Variants in PLCG2 observed in about 807,000 individuals in gnomAD.
PLCG2 encodes phospholipase C gamma 2.
A neutral mutation model predicts 175.6 loss-of-function variants in PLCG2; 69 were observed. That is an observed-to-expected ratio of 0.39 (90% confidence interval 0.32 to 0.48). PLCG2 has a LOEUF of 0.48. Ranked by LOEUF, PLCG2 falls within the 20% of genes least tolerant of loss-of-function variation. The pLI is 0.91. For missense variants in PLCG2, 1,798 were observed against 1,650.9 expected (o/e 1.09, Z -1.54); for synonymous variants, 827 against 624.0 (o/e 1.33, Z -4.85).
chr16:81,832,236 T>G (rs1442591761), intron 2 of PLCG2, among the ~76,000 whole-genome samples: 1 of 152,216 alleles, frequency 6.6e-6, no homozygotes, highest in Non-Finnish European at 1.5e-5. Context: ...ACAGTGGTAG[T>G]GGTCAGAGGT....
rs139791862 is a variant in PLCG2 at position 81,894,350 on chromosome 16, G to A, written c.1072+556G>A. On this transcript the variant is annotated intron_variant, in intron 12 of 32. Coordinates refer to ENST00000564138, the MANE Select transcript of PLCG2 (RefSeq NM_002661.5). ...AGGCTGAGGTGGGAGGATCGCTTGA[G>A]CCCAGGAGGTTGAGGCTGTGGTGAG... is the stretch of plus-strand genomic sequence containing the variant. Among the ~76,000 whole-genome samples, 1,404 of 152,330 alleles carry A rather than the reference G, an allele frequency of 9.2e-3. 21 individuals carry two copies. The highest frequency in any genetic ancestry group is 0.032 in the African/African-American group (1,347 of 41,566).
chr16:81,775,846 G>T (rs555818307), upstream of PLCG2, among the ~76,000 whole-genome samples: 1 of 151,966 alleles, frequency 6.6e-6, no homozygotes, highest in African/African-American at 2.4e-5. Context: ...TGACCCATTT[G>T]TGCATCTATG....
At chr16:81,921,066 G>C in intron 20 of PLCG2, 132 bp from the exon 21 acceptor site, 1 of 596,006 alleles carries the variant, frequency 1.7e-6, no homozygotes, top group East Asian at 2.9e-5. Context: ...TGGGCCAAAA[G>C]AAAATTCTAT....
chr16:81,897,548 C>CTTTTTTTTTTTTTTTTT, intron 13 of PLCG2, among the ~76,000 whole-genome samples: 1 of 128,678 alleles, frequency 7.8e-6, no homozygotes, highest in Non-Finnish European at 1.6e-5. Flanking sequence ...CTTTTCTTTT[C>CTTTTTTTTTTTTTTTTT]TTTTTTTTTT....
chr16:81,945,674 G>C (rs911269242), intron 30 of PLCG2, among the ~76,000 whole-genome samples: 2 of 152,190 alleles, frequency 1.3e-5, no homozygotes, highest in African/African-American at 4.8e-5. Context: ...TGTAAAGAGG[G>C]AATGGCTTTA....
At position 81,779,374 on chromosome 16, in the gene PLCG2, G is replaced by C. The variant is rs949517226; in HGVS notation, c.-98G>C. On this transcript the variant is annotated 5_prime_UTR_variant, in exon 1 of 33. Coordinates refer to ENST00000564138, the MANE Select transcript of PLCG2 (RefSeq NM_002661.5). ...ACGCGGGCTGCGCGCGCGGGACCCC[G>C]GAGCCCAAACCCGGGGCAGGCGGGC... 6.6e-6 allele frequency: 1 copy of C among 151,064 alleles called. No individual in the cohort carries two copies. The highest frequency in any genetic ancestry group is 1.5e-5 in the Non-Finnish European group (1 of 67,680). 9.4% of individuals were successfully genotyped at this position (151,064 alleles called of 1,614,324 possible). A position where few individuals can be genotyped will look rare whatever the true frequency, so the allele number is the denominator to read the frequency against.
intron 2 of PLCG2, among the ~76,000 whole-genome samples, chr16:81,790,718 G>A (rs1911193154): frequency 6.6e-6 from 1 of 152,148 alleles, no homozygotes; most frequent in African/African-American, 2.4e-5. Flanking sequence ...AAAATACCTA[G>A]GTCCTACTGT....
chr16:81,910,263 G>T (rs1012705254), intron 17 of PLCG2, among the ~76,000 whole-genome samples: 1 of 152,068 alleles, frequency 6.6e-6, no homozygotes. Flanking sequence ...GCTAATTTTT[G>T]TATTTTTAGT....
chr16:81,870,953 C>G lies in PLCG2; in HGVS notation c.648+18C>G. The G allele has an allele frequency of 2.4e-6, 3 of 1,254,908 alleles. No individual in the cohort carries two copies. The highest frequency in any genetic ancestry group is 2.3e-6 in the Non-Finnish European group (2 of 868,020). 77.7% of individuals were successfully genotyped at this position (1,254,908 alleles called of 1,614,324 possible). A position where few individuals can be genotyped will look rare whatever the true frequency, so the allele number is the denominator to read the frequency against. On this transcript the variant is annotated intron_variant, in intron 7 of 32. Coordinates refer to ENST00000564138, the MANE Select transcript of PLCG2 (RefSeq NM_002661.5). Reference sequence around the variant, plus strand: ...AAAAATCGGTAAGATGATTCTTGAGCAAGTGATCAAGTGATGTTTCTGTTT... The same window carrying G: ...AAAAATCGGTAAGATGATTCTTGAGGAAGTGATCAAGTGATGTTTCTGTTT...
At chr16:81,848,835 A>C (rs1441693542) in intron 2 of PLCG2, among the ~76,000 whole-genome samples, 1 of 152,200 alleles carries the variant, frequency 6.6e-6, no homozygotes, top group African/African-American at 2.4e-5. Context: ...GATTCCATCT[A>C]ATACATATTT....
chr16:81,805,332 T>C (rs1414325036), intron 2 of PLCG2, among the ~76,000 whole-genome samples: 1 of 151,710 alleles, frequency 6.6e-6, no homozygotes, highest in African/African-American at 2.4e-5. Context: ...ACTCTGTCTC[T>C]ACTAAAAATA....
In PLCG2 at chr16:81,937,749, C is replaced by T. The variant is rs751586463; in HGVS notation, c.3053-9C>T. On this transcript the variant is annotated splice_polypyrimidine_tract_variant and intron_variant, in intron 27 of 32. Coordinates refer to ENST00000564138, the MANE Select transcript of PLCG2 (RefSeq NM_002661.5). The stretch of plus-strand genomic sequence containing the variant: ...CTGACTTACAGCAGGCGTTCACTTT[C>T]CTTCCCAGATAAGTACATGCAGATG... 6.2e-7 allele frequency: 1 copy of T among 1,612,148 alleles called. No individual in the cohort carries two copies. Among genetic ancestry groups the T allele is most frequent in the South Asian group, 1.1e-5 (1 of 90,822 alleles).
At chr16:81,848,187 C>T (rs1283794682) in intron 2 of PLCG2, among the ~76,000 whole-genome samples, 1 of 152,174 alleles carries the variant, frequency 6.6e-6, no homozygotes, top group Non-Finnish European at 1.5e-5. Context: ...CAAATATCAT[C>T]AACTGATCTT....
intron 2 of PLCG2, among the ~76,000 whole-genome samples, chr16:81,849,054 G>T (rs972213115): frequency 1.3e-5 from 2 of 151,994 alleles, no homozygotes; most frequent in East Asian, 1.9e-4. Context: ...GGAGGGGCCT[G>T]TGTGGGTGGT....
intron 2 of PLCG2, among the ~76,000 whole-genome samples, chr16:81,808,267 A>T (rs1410356713): frequency 6.6e-6 from 1 of 152,154 alleles, no homozygotes; most frequent in Non-Finnish European, 1.5e-5. Flanking sequence ...ACTGTTTTGC[A>T]TTTGCCAAGG....
chr16:81,754,763 G>A (rs1013502117), intron 1 of PLCG2, among the ~76,000 whole-genome samples: 5 of 151,948 alleles, frequency 3.3e-5, no homozygotes, highest in African/African-American at 7.2e-5. Context: ...ACCAATAACT[G>A]CTCTGGGATA....
At chr16:81,900,212 C>G (rs1056075149) in intron 13 of PLCG2, among the ~76,000 whole-genome samples, 1 of 152,244 alleles carries the variant, frequency 6.6e-6, no homozygotes, top group East Asian at 1.9e-4. Flanking sequence ...TGGATGCACA[C>G]GTGGAACAGC....
At chr16:81,941,258 G>T (rs1454426468) in intron 30 of PLCG2, among the ~76,000 whole-genome samples, 1 of 152,156 alleles carries the variant, frequency 6.6e-6, no homozygotes, top group East Asian at 1.9e-4. Context: ...CGGGCACGGT[G>T]GCTCACTCCT....
chr16:81,766,324 A>G (rs925882576), intron 2 of PLCG2, among the ~76,000 whole-genome samples: 1 of 152,282 alleles, frequency 6.6e-6, no homozygotes, highest in Non-Finnish European at 1.5e-5. Context: ...AGGGCTGGAG[A>G]CACAGGTGGA....
Sources: gnomAD v4.1 joint callset for allele counts (sites outside exome capture counted in the v4.1 genomes callset) on GRCh38, gnomAD v4.1.1 for gene constraint, MANE v1.5 for transcripts, NCBI Gene and HGNC (gene_info 2026-07-23, HGNC 2026-07-21) for gene names.